Variants in TLR7 observed in about 807,000 individuals in gnomAD.
TLR7 encodes toll-like receptor 7.
TLR7 carries 12 observed loss-of-function variants against 38.3 expected under a neutral mutation model. That is an observed-to-expected ratio of 0.31 (90% confidence interval 0.20 to 0.51). The LOEUF (loss-of-function observed/expected upper bound fraction) is 0.51. Ranked by LOEUF, TLR7 falls within the 20% of genes least tolerant of loss-of-function variation. The pLI, the probability that TLR7 is intolerant of heterozygous loss-of-function variation, is 0.98. For synonymous variants in TLR7, 285 were observed against 293.8 expected (o/e 0.97, Z 0.31); for missense variants, 504 against 743.4 (o/e 0.68, Z 3.74).
chrX:12,878,163 T>C (rs2042879630), intron 2 of TLR7, among the ~76,000 whole-genome samples: 1 of 112,135 alleles, frequency 8.9e-6, no homozygotes, highest in African/African-American at 3.2e-5. Flanking sequence ...TTCCTCATTG[T>C]AAATGAGCAT....
At chrX:12,881,413 TAATA>T (rs1353690205) in intron 2 of TLR7, among the ~76,000 whole-genome samples, 6 of 107,672 alleles carry the variant, frequency 5.6e-5, no homozygotes, top group South Asian at 3.9e-4. Flanking sequence ...TTATTCTTTT[TAATA>T]AATAAATGAG....
In TLR7 at chrX:12,890,038, A is replaced by G. The variant is rs1379393337; in HGVS notation, c.*1380A>G. ...AGATTCAAAAACAACAGAAAGAACCAAGACATTCTTAAGATGCCTGTACTT... is the reference window on the plus strand; with the variant it reads ...AGATTCAAAAACAACAGAAAGAACCGAGACATTCTTAAGATGCCTGTACTT... On this transcript the variant is annotated 3_prime_UTR_variant, in exon 3 of 3. Transcript: ENST00000380659. 1 of 112,910 alleles carries G rather than the reference A, an allele frequency of 8.9e-6. No individual in the cohort carries two copies. Among genetic ancestry groups the G allele is most frequent in the Non-Finnish European group, 1.9e-5 (1 of 53,428 alleles). The allele number at this position is 112,910 out of a possible 1,213,427, so 9.3% of individuals were successfully genotyped here.
intron 2 of TLR7, among the ~76,000 whole-genome samples, chrX:12,881,657 G>GTGT (rs2042893075): frequency 9.3e-6 from 1 of 108,031 alleles, no homozygotes; most frequent in Non-Finnish European, 1.9e-5. Context: ...GAAATTTTGT[G>GTGT]TGTTTGATTA....
At position 12,888,055 on chromosome X, in the gene TLR7, A is replaced by G. The variant is rs773468249; in HGVS notation, c.2547A>G (p.Val849=). The change falls in exon 3 of 3, where the codon GTA becomes GTG. Residue 849 remains valine, a synonymous_variant. Coordinates refer to ENST00000380659, the MANE Select transcript of TLR7 (RefSeq NM_016562.4). ...NLILFSLSIS[V]SLFLMVMMTA... ...TTCTGTTCTCACTTTCCATATCTGT[A>G]TCTCTCTTTCTCATGGTGATGATGA... 8.3e-7 allele frequency: 1 copy of G among 1,211,422 alleles called. No homozygotes were observed. Among genetic ancestry groups the G allele is most frequent in the Non-Finnish European group, 1.1e-6 (1 of 895,197 alleles).
At chrX:12,869,073 G>C (rs1416295928) in intron 2 of TLR7, among the ~76,000 whole-genome samples, 1 of 111,627 alleles carries the variant, frequency 9.0e-6, no homozygotes, top group African/African-American at 3.3e-5. Flanking sequence ...AGGTTAAGGA[G>C]CTTGGGTGGC....
In TLR7 at chrX:12,888,240, A is replaced by G. The variant is rs2042918208; in HGVS notation, c.2732A>G (p.Glu911Gly). ...DPAVTEWVLAELVAKLEDPRE... is the reference protein window; with the variant it reads ...DPAVTEWVLAGLVAKLEDPRE... ...GCTGTGACCGAGTGGGTTTTGGCTG[A>G]GCTGGTGGCCAAACTGGAAGACCCA... The change falls in exon 3 of 3, where the codon GAG becomes GGG. Residue 911 changes from glutamate (E) to glycine (G), a missense_variant. Physicochemically the swap from Glu to Gly is moderately conservative, Grantham distance 98 (BLOSUM62 -2). Transcript: ENST00000380659. The G allele has an allele frequency of 1.7e-6, 2 of 1,211,570 alleles. No homozygotes were observed. Among genetic ancestry groups the G allele is most frequent in the Non-Finnish European group, 2.2e-6 (2 of 895,485 alleles).
Position 12,888,471 on chromosome X carries a change from T to C in TLR7, c.2963T>C (p.Leu988Ser), listed in dbSNP as rs765092400. The C allele has an allele frequency of 2.2e-5, 27 of 1,209,826 alleles. No individual in the cohort carries two copies. The highest frequency in any genetic ancestry group is 2.3e-4 in the Middle Eastern group (1 of 4,372). The change falls in exon 3 of 3, where the codon TTG becomes TCG. Residue 988 changes from leucine (L) to serine (S), a missense_variant. By Grantham distance (145) the Leu-to-Ser change is moderately radical (BLOSUM62 -2). Transcript: ENST00000380659. ...GATGAAAAAGTTGATGTGATTATCT[T>C]GATATTTCTTGAGAAGCCCTTTCAG... ...LMDEKVDVII[L>S]IFLEKPFQKS...
chrX:12,880,001 T>C (rs904253369), intron 2 of TLR7, among the ~76,000 whole-genome samples: 7 of 111,853 alleles, frequency 6.3e-5, no homozygotes, highest in African/African-American at 2.3e-4. Context: ...CAACGTACAG[T>C]TCAGCTACAC....
chrX:12,868,811 T>G (rs1438568362), intron 2 of TLR7, among the ~76,000 whole-genome samples: 1 of 111,755 alleles, frequency 8.9e-6, no homozygotes, highest in Non-Finnish European at 1.9e-5. Context: ...GCATTAACCA[T>G]GGGGCTATTG....
At chrX:12,874,296 G>A (rs1228806528) in intron 2 of TLR7, among the ~76,000 whole-genome samples, 1 of 111,047 alleles carries the variant, frequency 9.0e-6, no homozygotes, top group African/African-American at 3.3e-5. Context: ...CTCCAGCCTG[G>A]GCGACAGAGT....
At chrX:12,883,940 G>T (rs2042901332) in intron 2 of TLR7, among the ~76,000 whole-genome samples, 1 of 111,293 alleles carries the variant, frequency 9.0e-6, no homozygotes, top group Non-Finnish European at 1.9e-5. Flanking sequence ...AAAAAAAATT[G>T]CTTATTTACC....
chrX:12,889,798 C>A lies in TLR7; in HGVS notation c.*1140C>A, dbSNP rs2042924997. ...ACTAATGCCATATATTTGTAAGTAT[C>A]TGCACACTTGATACAGCAACGTTAG... On this transcript the variant is annotated 3_prime_UTR_variant, in exon 3 of 3. Transcript: ENST00000380659. 1 of 112,800 alleles carries A rather than the reference C, an allele frequency of 8.9e-6. No homozygotes were observed. 9.3% of individuals were successfully genotyped at this position (112,800 alleles called of 1,213,427 possible).
intron 2 of TLR7, among the ~76,000 whole-genome samples, chrX:12,876,645 C>T (rs2042871720): frequency 8.9e-6 from 1 of 112,236 alleles, no homozygotes; most frequent in Non-Finnish European, 1.9e-5. Flanking sequence ...TTAAAAAATA[C>T]ACAAATCATG....
intron 2 of TLR7, among the ~76,000 whole-genome samples, chrX:12,869,495 C>T (rs775082803): frequency 9.0e-6 from 1 of 110,976 alleles, no homozygotes; most frequent in East Asian, 2.8e-4. Flanking sequence ...GAACAAAAAA[C>T]CAAACACCGC....
rs199530355 is a variant in TLR7 at position 12,885,712 on chromosome X, G to A, written c.204G>A (p.Thr68=). The A allele has an allele frequency of 1.8e-5, 22 of 1,209,743 alleles. No individual in the cohort carries two copies. Among genetic ancestry groups the A allele is most frequent in the East Asian group, 3.0e-5 (1 of 33,772 alleles). Residue 68 remains threonine, a synonymous_variant, in exon 3 of 3, where the codon ACG becomes ACA. Transcript: ENST00000380659. ...CTGGAGGTATTCCCACGAACACCAC[G>A]AACCTCACCCTCACCATTAACCACA... ...EIPGGIPTNT[T]NLTLTINHIP... is the part of the protein sequence containing the mutation.
At chrX:12,874,055 C>T (rs5743741) in intron 2 of TLR7, among the ~76,000 whole-genome samples, 1,308 of 112,729 alleles carry the variant, frequency 0.012, 9 homozygotes, top group Middle Eastern at 0.023. Context: ...CGTAGTGGCT[C>T]TTGCCTGTAA....
chrX:12,869,689 G>A (rs1445236098), intron 2 of TLR7, among the ~76,000 whole-genome samples: 2 of 109,380 alleles, frequency 1.8e-5, no homozygotes, highest in East Asian at 2.8e-4. Flanking sequence ...ACCATGGCAC[G>A]TTTAACTATG....
intron 2 of TLR7, among the ~76,000 whole-genome samples, chrX:12,870,498 C>T (rs901249762): frequency 1.8e-5 from 2 of 111,928 alleles, no homozygotes; most frequent in South Asian, 3.7e-4. Context: ...GAACGCTGTA[C>T]TAAAATTAAA....
chrX:12,887,924 C>T lies in TLR7; in HGVS notation c.2416C>T (p.Pro806Ser). The T allele has an allele frequency of 1.7e-6, 2 of 1,211,598 alleles. No individual in the cohort carries two copies. The highest frequency in any genetic ancestry group is 2.2e-6 in the Non-Finnish European group (2 of 895,511). Residue 806 changes from proline to serine, a missense_variant, in exon 3 of 3, where the codon CCT becomes TCT. Transcript: ENST00000380659. ...GGTTAACCATACGGAGGTGACTATT[C>T]CTTACCTGGCCACAGATGTGACTTG... ...WWVNHTEVTI[P>S]YLATDVTCVG... is the part of the protein sequence containing the mutation.
Sources: allele counts gnomAD v4.1 joint callset (sites outside exome capture counted in the v4.1 genomes callset), GRCh38; gene constraint gnomAD v4.1.1; transcripts MANE v1.5; gene names NCBI Gene and HGNC (gene_info 2026-07-23, HGNC 2026-07-21).